TMPRSS12: variants seen among roughly 807,000 people sequenced by gnomAD.
TMPRSS12 encodes the protein transmembrane serine protease 12.
In TMPRSS12, 25 loss-of-function variants were observed where a neutral mutation model predicts 26.0. That is an observed-to-expected ratio of 0.96 (90% CI 0.70 to 1.34). TMPRSS12 has a LOEUF of 1.34. TMPRSS12 is among the 40% of genes most tolerant of loss of function. The pLI, the probability that TMPRSS12 is intolerant of heterozygous loss-of-function variation, is 0.00. For missense variants in TMPRSS12, 441 were observed against 440.1 expected (o/e 1.00, Z -0.02); for synonymous variants, 150 against 161.7 (o/e 0.93, Z 0.55).
intron 2 of TMPRSS12, among the ~76,000 whole-genome samples, chr12:50,847,687 G>T (rs1189365506): frequency 6.6e-6 from 1 of 151,936 alleles, no homozygotes; most frequent in African/African-American, 2.4e-5. Context: ...CCTGAGGTCA[G>T]AAGTTTGAGA....
intron 1 of TMPRSS12, among the ~76,000 whole-genome samples, 187 bp from the exon 2 acceptor site, chr12:50,843,655 T>C (rs1257501123): frequency 6.6e-6 from 1 of 152,200 alleles, no homozygotes; most frequent in African/African-American, 2.4e-5. Flanking sequence ...TATTTGTAAG[T>C]AATCGATTAT....
At position 50,858,911 on chromosome 12, in the gene TMPRSS12, T is replaced by A; in HGVS notation, c.510T>A (p.Asn170Lys). The change falls in exon 3 of 5, where the codon AAT (asparagine) becomes AAA (lysine). Residue 170 changes from asparagine (N) to lysine (K), a missense_variant. Transcript: ENST00000398458. ...HPNFILESYVNDIALFHLKKA... is the reference protein window; with the variant it reads ...HPNFILESYVKDIALFHLKKA... ...ACTTCATTTTGGAATCTTATGTAAA[T>A]GATATTGCACTTTTTCACTTAAAAA... is the stretch of plus-strand genomic sequence containing the variant. 2 of 1,589,110 alleles carry A rather than the reference T, an allele frequency of 1.3e-6. No homozygotes were observed. Among genetic ancestry groups the A allele is most frequent in the Non-Finnish European group, 1.7e-6 (2 of 1,166,254 alleles).
intron 3 of TMPRSS12, among the ~76,000 whole-genome samples, chr12:50,875,569 C>T (rs1938106459): frequency 6.9e-6 from 1 of 145,940 alleles, no homozygotes; most frequent in Non-Finnish European, 1.5e-5. Flanking sequence ...GTTACAAAAA[C>T]AGACACATAG....
At position 50,843,998 on chromosome 12, in the gene TMPRSS12, G is replaced by A. The variant is rs755234942; in HGVS notation, c.344G>A (p.Arg115Lys). Residue 115 changes from arginine to lysine, a missense_variant, in exon 2 of 5, where the codon AGG (arginine) becomes AAG (lysine). Physicochemically the swap from Arg to Lys is conservative, Grantham distance 26. Coordinates refer to ENST00000398458, the MANE Select transcript of TMPRSS12 (RefSeq NM_182559.3). ...TGTGGGGGAACCCTAGTGAGAGAGA[G>A]GTGGGTCCTCACAGCTGCCCACTGC... ...HVCGGTLVRERWVLTAAHCTK... is the reference protein window; with the variant it reads ...HVCGGTLVREKWVLTAAHCTK... The A allele has an allele frequency of 5.0e-5, 80 of 1,602,842 alleles. No homozygotes were observed.
chr12:50,855,450 A>T (rs753853966), intron 2 of TMPRSS12, among the ~76,000 whole-genome samples: 1 of 152,230 alleles, frequency 6.6e-6, no homozygotes, highest in Non-Finnish European at 1.5e-5. Flanking sequence ...GAAACATATG[A>T]AAAAATGCTC....
At chr12:50,886,584 G>A (rs988422317) in intron 4 of TMPRSS12, 6 of 152,214 alleles carry the variant, frequency 3.9e-5, no homozygotes, top group African/African-American at 1.2e-4. Flanking sequence ...TTCAATGCCT[G>A]CCTTATATAG....
rs1937927415 is a variant in TMPRSS12 at position 50,860,821 on chromosome 12, G to A, written c.652+1768G>A. 2.6e-5 allele frequency among the ~76,000 whole-genome samples: 4 copies of A among 152,054 alleles called. No homozygotes were observed. The South Asian group carries it at 8.3e-4, about 32-fold the overall frequency. On this transcript the variant is annotated intron_variant, in intron 3 of 4. Transcript: ENST00000398458. Reference sequence around the variant, plus strand: ...AGACAGGGTCTTGCCATGTTTCCTAGACTGGTCTTGAACTCCTAGTCTTAA... The same window carrying A: ...AGACAGGGTCTTGCCATGTTTCCTAAACTGGTCTTGAACTCCTAGTCTTAA...
Position 50,887,244 on chromosome 12 carries a change from TTG to T in TMPRSS12, c.796-17_796-16del, listed in dbSNP as rs770828737. On this transcript the variant is annotated splice_polypyrimidine_tract_variant and intron_variant, in intron 4 of 4. Transcript: ENST00000398458. ...AATACTAGAAGTAACAAACACTATTTTGGGACTTTTTTGACAGGGTGACAGTG... is the reference window on the plus strand; with the variant it reads ...AATACTAGAAGTAACAAACACTATTTGGACTTTTTTGACAGGGTGACAGTG... 3.1e-6 allele frequency: 5 copies of T among 1,609,630 alleles called. No homozygotes were observed. The African/African-American group carries it at 6.7e-5, about 22-fold the overall frequency.
At chr12:50,852,994 C>A (rs1937840690) in intron 2 of TMPRSS12, among the ~76,000 whole-genome samples, 1 of 152,140 alleles carries the variant, frequency 6.6e-6, no homozygotes, top group Non-Finnish European at 1.5e-5. Context: ...TAGCTATCTA[C>A]AGACACTCCA....
Position 50,848,570 on chromosome 12 carries a change from T to A in TMPRSS12, c.383+4533T>A, listed in dbSNP as rs534977361. Among the ~76,000 whole-genome samples, 20 of 152,350 alleles carry A rather than the reference T, an allele frequency of 1.3e-4. No homozygotes were observed. In the East Asian group the frequency reaches 3.9e-3, roughly 29 times the overall value. On this transcript the variant is annotated intron_variant, in intron 2 of 4. Coordinates refer to ENST00000398458, the MANE Select transcript of TMPRSS12 (RefSeq NM_182559.3). The stretch of plus-strand genomic sequence containing the variant: ...CTTCCTTATAACATGAACTTACATA[T>A]GATGTGTTATCATTCTACCTCATAA...
At chr12:50,864,682 G>A (rs889363006) in intron 3 of TMPRSS12, among the ~76,000 whole-genome samples, 30 of 152,010 alleles carry the variant, frequency 2.0e-4, no homozygotes, top group Admixed American at 1.3e-3. Flanking sequence ...TTTTTGAGAC[G>A]GAGTCTTGCT....
At chr12:50,870,520 C>T (rs940339266) in intron 3 of TMPRSS12, among the ~76,000 whole-genome samples, 8 of 152,140 alleles carry the variant, frequency 5.3e-5, no homozygotes, top group Admixed American at 5.2e-4. Flanking sequence ...AAGTTGAAAG[C>T]ATTCCCTCTG....
chr12:50,868,958 A>G (rs965214010), intron 3 of TMPRSS12, among the ~76,000 whole-genome samples: 1 of 152,134 alleles, frequency 6.6e-6, no homozygotes, highest in African/African-American at 2.4e-5. Flanking sequence ...AATGACAATA[A>G]TGAGGCAACC....
At chr12:50,850,258 G>A (rs1291329279) in intron 2 of TMPRSS12, among the ~76,000 whole-genome samples, 1 of 152,084 alleles carries the variant, frequency 6.6e-6, no homozygotes, top group African/African-American at 2.4e-5. Context: ...TGATAAGTGA[G>A]TTCTCATGAG....
At chr12:50,846,418 A>G (rs191071641) in intron 2 of TMPRSS12, among the ~76,000 whole-genome samples, 2 of 152,268 alleles carry the variant, frequency 1.3e-5, no homozygotes, top group Admixed American at 1.3e-4. Context: ...ATTAGATGGT[A>G]TTGGCATCTT....
At chr12:50,885,524 T>A in intron 4 of TMPRSS12, 136 bp downstream of exon 4, 1 of 1,075,392 alleles carries the variant, frequency 9.3e-7, no homozygotes, top group Non-Finnish European at 1.4e-6. Flanking sequence ...CCTTTTTAAC[T>A]ATTTCAACAA....
rs532366673 is a variant in TMPRSS12, at chr12:50,884,864, G to A, written c.653-382G>A. Among the ~76,000 whole-genome samples the A allele has an allele frequency of 3.4e-4, 49 of 143,092 alleles. No individual in the cohort carries two copies. The South Asian group carries it at 3.9e-3, about 11-fold the overall frequency. 93.9% of individuals were successfully genotyped at this position (143,092 alleles called of 152,430 possible). On this transcript the variant is annotated intron_variant, in intron 3 of 4. Transcript: ENST00000398458. ...TGCAGCCTGGGTGACAGAGTGAGAC[G>A]CCATCTCAAAAATTAAAAAAAAAAA...
In TMPRSS12 at chr12:50,842,991, G is replaced by A. The variant is rs1322085569; in HGVS notation, c.27G>A (p.Ala9=). 1 of 1,599,262 alleles carries A rather than the reference G, an allele frequency of 6.3e-7. No individual in the cohort carries two copies. Among genetic ancestry groups the A allele is most frequent in the South Asian group, 1.1e-5 (1 of 88,676 alleles). Residue 9 remains alanine (A), a synonymous_variant, in exon 1 of 5, where the codon GCG becomes GCA. Transcript: ENST00000398458. ...TGCGGCTGGGGCTCCTGAGCGTGGCGCTGTTGTTTGTGGGGAGCTCTCACT... is the reference window on the plus strand; with the variant it reads ...TGCGGCTGGGGCTCCTGAGCGTGGCACTGTTGTTTGTGGGGAGCTCTCACT... MRLGLLSV[A]LLFVGSSHLY...
At chr12:50,872,239 C>T (rs1482379866) in intron 3 of TMPRSS12, among the ~76,000 whole-genome samples, 3 of 152,108 alleles carry the variant, frequency 2.0e-5, no homozygotes, top group Non-Finnish European at 4.4e-5. Context: ...GAAGGCCGGG[C>T]GCGGTGGCTC....
Sources: allele counts gnomAD v4.1 joint callset (sites outside exome capture counted in the v4.1 genomes callset), GRCh38; gene constraint gnomAD v4.1.1; transcripts MANE v1.5; gene names NCBI Gene and HGNC (gene_info 2026-07-23, HGNC 2026-07-21).